ST7: variants seen among roughly 807,000 people sequenced by gnomAD.
ST7 encodes the protein suppression of tumorigenicity 7.
Under a neutral mutation model 78.7 loss-of-function variants are expected in ST7, and 28 were observed. The ratio of observed to expected loss-of-function variants is 0.36; its 90% CI spans 0.26 to 0.49. ST7 has a LOEUF of 0.49. Among genes scored for constraint, ST7 ranks in the 20% least tolerant of loss-of-function variants. The pLI is 0.99. For missense variants in ST7, 418 were observed against 696.0 expected, an observed-to-expected ratio of 0.60 and a Z score of 4.49; for synonymous variants, 247 against 249.6, an observed-to-expected ratio of 0.99 and a Z score of 0.10.
At chr7:117,071,222 CAAAACA>C (rs535283758) in intron 1 of ST7, among the ~76,000 whole-genome samples, 12 of 151,976 alleles carry the variant, frequency 7.9e-5, no homozygotes, top group Admixed American at 1.3e-4. Flanking sequence ...GACTCCGTCT[CAAAACA>C]AAAACAAAAA....
At chr7:117,042,898 T>C (rs1261938458) in intron 1 of ST7, among the ~76,000 whole-genome samples, 3 of 152,114 alleles carry the variant, frequency 2.0e-5, no homozygotes, top group Admixed American at 1.3e-4. Context: ...GTCCTTTATG[T>C]TAACTGTATA....
intron 1 of ST7, among the ~76,000 whole-genome samples, chr7:116,977,468 C>T (rs1232217988): frequency 6.6e-6 from 1 of 152,224 alleles, no homozygotes; most frequent in African/African-American, 2.4e-5. Flanking sequence ...AAGGCACCCA[C>T]AGAGCTTCTG....
At chr7:117,007,796 A>G (rs1795215488) in intron 1 of ST7, among the ~76,000 whole-genome samples, 3 of 152,188 alleles carry the variant, frequency 2.0e-5, no homozygotes. Context: ...TTCTGTACCC[A>G]TTAAACAACT....
chr7:117,135,950 C>T, intron 7 of ST7, 131 bp from the exon 8 acceptor site: 2 of 868,958 alleles, frequency 2.3e-6, no homozygotes, highest in Non-Finnish European at 3.6e-6. Flanking sequence ...CAACTACAAA[C>T]AGGAGTGCAT....
At chr7:117,160,558 C>T (rs564431125) in intron 9 of ST7, among the ~76,000 whole-genome samples, 103 of 152,072 alleles carry the variant, frequency 6.8e-4, no homozygotes, top group African/African-American at 2.4e-3. Context: ...CTCTCTCTGT[C>T]TCCCATCCAT....
intron 4 of ST7, 36 bp downstream of exon 4, chr7:117,129,883 T>G (rs889252161): frequency 6.4e-7 from 1 of 1,570,442 alleles, no homozygotes; most frequent in Non-Finnish European, 8.7e-7. Flanking sequence ...CAAATGGGTC[T>G]GGTTCAGAGA....
intron 3 of ST7, 129 bp from the exon 4 acceptor site, chr7:117,129,664 T>G: frequency 1.3e-6 from 1 of 741,244 alleles, no homozygotes. Context: ...TTTTCCACAT[T>G]GCTTCCCATG....
At chr7:117,144,969 C>T (rs549460807) in intron 9 of ST7, among the ~76,000 whole-genome samples, 7 of 152,114 alleles carry the variant, frequency 4.6e-5, no homozygotes, top group East Asian at 1.9e-4. Flanking sequence ...GAGGCCGAGG[C>T]GGGGCAGATT....
In ST7 at chr7:117,190,506, T is replaced by A. The variant is rs145876646; in HGVS notation, c.1152-328T>A. 6.6e-6 allele frequency among the ~76,000 whole-genome samples: 1 copy of A among 152,320 alleles called. No homozygotes were observed. Among genetic ancestry groups the A allele is most frequent in the East Asian group, 1.9e-4 (1 of 5,186 alleles). ...TCTTCTGTAACCTAGTTTTCTCTTT[T>A]TCCTACACTGTCTGCCCTTGTCAGT... On this transcript the variant is annotated intron_variant, in intron 11 of 15. Coordinates refer to ENST00000323984, the MANE Select transcript of ST7 (RefSeq NM_001369598.1). The surrounding 1 kb of genome is among the most constrained non-coding windows in gnomAD (Gnocchi z 5.2).
At chr7:117,031,798 ATG>A (rs1212271389) in intron 1 of ST7, among the ~76,000 whole-genome samples, 1 of 129,268 alleles carries the variant, frequency 7.7e-6, no homozygotes, top group African/African-American at 2.8e-5. Context: ...ATATGCATAT[ATG>A]TGTGTATATA....
chr7:117,045,272 C>T (rs1797436176), intron 1 of ST7, among the ~76,000 whole-genome samples: 1 of 152,076 alleles, frequency 6.6e-6, no homozygotes, highest in Admixed American at 6.5e-5. Flanking sequence ...CAGTAGTTTT[C>T]CATCACCCTC....
intron 10 of ST7, 36 bp from the exon 11 acceptor site, chr7:117,189,285 A>T (rs376188516): frequency 2.4e-4 from 375 of 1,537,288 alleles, no homozygotes; most frequent in Non-Finnish European, 2.4e-4. Flanking sequence ...TGTTACCTGC[A>T]AACTTATGTG....
rs1446648385 is a variant in ST7 at position 117,103,854 on chromosome 7, T to G, written c.234+4010T>G. Among the ~76,000 whole-genome samples the G allele has an allele frequency of 5.9e-5, 9 of 152,218 alleles. No individual in the cohort carries two copies. The East Asian group carries it at 1.5e-3, about 26-fold the overall frequency. ...TTTGCAGGCTATTCATCTAAGAGAT[T>G]AATAACCAGAATATATAAGGAGCTC... On this transcript the variant is annotated intron_variant, in intron 2 of 15. Transcript: ENST00000323984.
intron 15 of ST7, 95 bp from the exon 16 acceptor site, chr7:117,229,667 C>G: frequency 2.0e-6 from 2 of 998,370 alleles, no homozygotes; most frequent in East Asian, 4.8e-5. Context: ...TTTCGTAATG[C>G]AGAGACTTAA....
At chr7:117,093,843 CTTTTAAAATTTTATAGACAATGAA>C (rs1800826665) in intron 1 of ST7, among the ~76,000 whole-genome samples, 3 of 151,768 alleles carry the variant, frequency 2.0e-5, no homozygotes, top group Non-Finnish European at 4.4e-5. Context: ...ATAGGTATTA[CTTTTAAAATTTTATAGACAATGAA>C]ACAATCTCAA....
chr7:117,214,703 G>A (rs753825064), intron 13 of ST7, among the ~76,000 whole-genome samples: 12 of 151,970 alleles, frequency 7.9e-5, no homozygotes, highest in Admixed American at 1.3e-4. Flanking sequence ...GAACCAACTT[G>A]CTCCTTTCCT....
intron 8 of ST7, 76 bp downstream of exon 8, chr7:117,136,311 A>C (rs763841518): frequency 3.2e-6 from 5 of 1,550,188 alleles, no homozygotes; most frequent in Non-Finnish European, 4.4e-6. Context: ...TTTTTAGTCC[A>C]GTTCAAAATA....
At chr7:117,185,296 T>A (rs189164482) in intron 10 of ST7, among the ~76,000 whole-genome samples, 1 of 152,246 alleles carries the variant, frequency 6.6e-6, no homozygotes, top group Admixed American at 6.5e-5. Flanking sequence ...TTGTCTGTGC[T>A]GTCGGTATCT....
intron 1 of ST7, among the ~76,000 whole-genome samples, chr7:117,013,437 AC>A (rs1795465824): frequency 6.6e-6 from 1 of 152,212 alleles, no homozygotes; most frequent in Non-Finnish European, 1.5e-5. Flanking sequence ...ACAGCTTTTG[AC>A]TGTAGCAGAT....
Sources: allele counts gnomAD v4.1 joint callset (sites outside exome capture counted in the v4.1 genomes callset), GRCh38; gene constraint gnomAD v4.1.1; non-coding constraint Gnocchi (gnomAD v3.1); transcripts MANE v1.5; gene names NCBI Gene and HGNC (gene_info 2026-07-23, HGNC 2026-07-21).